Variants in UBE2Q2 observed in about 807,000 individuals in gnomAD.
The protein encoded by UBE2Q2 is ubiquitin conjugating enzyme E2 Q2, also known as ubiquitin-conjugating enzyme E2 Q2.
In UBE2Q2, 54 loss-of-function variants were observed where a neutral mutation model predicts 59.9. That is an observed-to-expected ratio of 0.90 (90% confidence interval 0.72 to 1.13). The LOEUF is 1.13. UBE2Q2 is among the 50% of genes most tolerant of loss of function. The pLI, the probability that UBE2Q2 is intolerant of heterozygous loss-of-function variation, is 0.00. For missense variants in UBE2Q2, 433 were observed against 441.9 expected (o/e 0.98, Z 0.18); for synonymous variants, 165 against 155.2 (o/e 1.06, Z -0.47).
At chr15:75,863,429 T>G (rs1305063855) in intron 3 of UBE2Q2, among the ~76,000 whole-genome samples, 1 of 151,910 alleles carries the variant, frequency 6.6e-6, no homozygotes, top group Non-Finnish European at 1.5e-5. Flanking sequence ...CTTTTCCTTC[T>G]GTTTTTTTTG....
chr15:75,873,359 T>A lies in UBE2Q2; in HGVS notation c.448-69T>A, dbSNP rs569020108. 16 of 1,444,866 alleles carry A rather than the reference T, an allele frequency of 1.1e-5. No homozygotes were observed. The African/African-American group carries it at 1.6e-4, about 14-fold the overall frequency. The allele number at this position is 1,444,866 out of a possible 1,614,324, so 89.5% of individuals were successfully genotyped here. The stretch of plus-strand genomic sequence containing the variant: ...CATTTGAGTCAAGAATAATTTAATG[T>A]TATTTTGGCATAAGAAACTGCTGAA... On this transcript the variant is annotated intron_variant, in intron 4 of 12. Transcript: ENST00000267938.
chr15:75,843,795 G>A lies in UBE2Q2; in HGVS notation c.129G>A (p.Gln43=). ...ELHCQFLVPQ[Q]GSPHSLPPPL... ...ACTGCCAGTTCCTGGTGCCGCAGCA[G>A]GGCAGCCCGCACTCGCTGCCGCCGC... The change falls in exon 1 of 13, where the codon CAG becomes CAA. Residue 43 remains glutamine, a synonymous_variant. Transcript: ENST00000267938. 6.2e-7 allele frequency: 1 copy of A among 1,607,186 alleles called. No homozygotes were observed. The highest frequency in any genetic ancestry group is 2.3e-5 in the East Asian group (1 of 44,436).
At chr15:75,897,363 C>T (rs921081666) in intron 12 of UBE2Q2, among the ~76,000 whole-genome samples, 4 of 151,958 alleles carry the variant, frequency 2.6e-5, no homozygotes, top group Admixed American at 6.6e-5. Context: ...CTCAGCCTCC[C>T]GAGTAGCTGG....
chr15:75,880,824 T>C (rs1898368808), intron 8 of UBE2Q2, among the ~76,000 whole-genome samples: 1 of 152,186 alleles, frequency 6.6e-6, no homozygotes, highest in Admixed American at 6.5e-5. Flanking sequence ...TTAAAATCTG[T>C]GGATATATGA....
chr15:75,863,646 C>CTT (rs573351886), intron 3 of UBE2Q2, among the ~76,000 whole-genome samples: 4 of 135,656 alleles, frequency 2.9e-5, no homozygotes, highest in African/African-American at 8.2e-5. Context: ...CCTGGCCAGT[C>CTT]TTTTTTTTTT....
intron 4 of UBE2Q2, among the ~76,000 whole-genome samples, chr15:75,872,527 CTTTTCCTTTTTT>C (rs1230456174): frequency 7.9e-6 from 1 of 127,362 alleles, no homozygotes; most frequent in Non-Finnish European, 1.7e-5. Context: ...TCTTTGTTTT[CTTTTCCTTTTTT>C]TTTTTTTTTT....
intron 5 of UBE2Q2, 31 bp from the exon 6 acceptor site, chr15:75,876,156 A>G: frequency 6.2e-7 from 1 of 1,606,328 alleles, no homozygotes. Flanking sequence ...AGCTCAGCAG[A>G]CCCTGGTAAA....
rs1223789721 is a variant in UBE2Q2, at chr15:75,854,376, T to C, written c.181-10T>C. On this transcript the variant is annotated splice_polypyrimidine_tract_variant and intron_variant, in intron 1 of 12. Coordinates refer to ENST00000267938, the MANE Select transcript of UBE2Q2 (RefSeq NM_173469.4). ...TGTAAATGTTTAACATGTGTCTCTG[T>C]GTTAAACAGGAATCCTATCCATCTT... 2 of 1,605,046 alleles carry C rather than the reference T, an allele frequency of 1.2e-6. No homozygotes were observed. Among genetic ancestry groups the C allele is most frequent in the African/African-American group, 1.3e-5 (1 of 74,596 alleles).
At chr15:75,858,576 G>C (rs1246944399) in intron 2 of UBE2Q2, among the ~76,000 whole-genome samples, 1 of 151,904 alleles carries the variant, frequency 6.6e-6, no homozygotes, top group Admixed American at 6.6e-5. Flanking sequence ...TCCCTCAAAT[G>C]CTTTTTTGGT....
chr15:75,855,598 G>C (rs1052821881), intron 2 of UBE2Q2, among the ~76,000 whole-genome samples: 8 of 151,922 alleles, frequency 5.3e-5, no homozygotes, highest in Admixed American at 5.2e-4. Flanking sequence ...AAAATATTCA[G>C]AGGAACCAAC....
At chr15:75,874,380 T>A (rs191062292) in intron 5 of UBE2Q2, among the ~76,000 whole-genome samples, 1 of 151,386 alleles carries the variant, frequency 6.6e-6, no homozygotes, top group African/African-American at 2.4e-5. Context: ...ACCTCCCAGG[T>A]TCAAGCAGTT....
chr15:75,876,083 A>AT, intron 5 of UBE2Q2, 104 bp from the exon 6 acceptor site: 2 of 1,130,678 alleles, frequency 1.8e-6, no homozygotes, highest in Non-Finnish European at 2.5e-6. Flanking sequence ...AAAAAAAAAA[A>AT]TGTTGAGTGG....
At chr15:75,849,304 A>G (rs572565674) in intron 1 of UBE2Q2, among the ~76,000 whole-genome samples, 49 of 152,218 alleles carry the variant, frequency 3.2e-4, no homozygotes, top group Non-Finnish European at 7.2e-4. Context: ...ACTGGCCTTC[A>G]GAAGAATTAC....
At chr15:75,845,891 G>A (rs1896319354) in intron 1 of UBE2Q2, among the ~76,000 whole-genome samples, 1 of 152,180 alleles carries the variant, frequency 6.6e-6, no homozygotes, top group Non-Finnish European at 1.5e-5. Context: ...AGCAAGAAGT[G>A]AATGAGACAC....
chr15:75,856,267 GTGTA>G (rs1414423709), intron 2 of UBE2Q2, among the ~76,000 whole-genome samples: 129 of 102,418 alleles, frequency 1.3e-3, no homozygotes, highest in Middle Eastern at 4.5e-3. Flanking sequence ...GTGTGTGTGT[GTGTA>G]TATATATATA....
chr15:75,893,598 T>C (rs970216140), intron 11 of UBE2Q2, among the ~76,000 whole-genome samples: 4 of 152,162 alleles, frequency 2.6e-5, no homozygotes, highest in Non-Finnish European at 4.4e-5. Flanking sequence ...TAGACAAATA[T>C]AGACCTCTGT....
At chr15:75,890,513 C>T in intron 10 of UBE2Q2, 30 bp downstream of exon 10, 1 of 1,594,756 alleles carries the variant, frequency 6.3e-7, no homozygotes, top group Non-Finnish European at 8.6e-7. Flanking sequence ...TCCATTTTCA[C>T]CCACAATTTA....
intron 2 of UBE2Q2, among the ~76,000 whole-genome samples, chr15:75,856,269 G>GTGTGTATATA (rs1256142539): frequency 9.0e-4 from 125 of 139,280 alleles, no homozygotes; most frequent in African/African-American, 1.2e-3. Flanking sequence ...GTGTGTGTGT[G>GTGTGTATATA]TATATATATA....
At position 75,900,481 on chromosome 15, in the gene UBE2Q2, T is replaced by A. The variant is rs1899695214; in HGVS notation, c.*1023T>A. 2 of 152,668 alleles carry A rather than the reference T, an allele frequency of 1.3e-5. No homozygotes were observed. The highest frequency in any genetic ancestry group is 1.3e-4 in the Admixed American group (2 of 15,286). 9.5% of individuals were successfully genotyped at this position (152,668 alleles called of 1,614,324 possible). A position where few individuals can be genotyped will look rare whatever the true frequency, so the allele number is the denominator to read the frequency against. On this transcript the variant is annotated 3_prime_UTR_variant, in exon 13 of 13. Coordinates refer to ENST00000267938, the MANE Select transcript of UBE2Q2 (RefSeq NM_173469.4). Reference sequence around the variant, plus strand: ...CAAGGTACTCTCCATTTTATTGCCTTACCTGAATCAGTCCTTTTTGGTTGG... The same window carrying A: ...CAAGGTACTCTCCATTTTATTGCCTAACCTGAATCAGTCCTTTTTGGTTGG...
Sources: gnomAD v4.1 joint callset for allele counts (sites outside exome capture counted in the v4.1 genomes callset) on GRCh38, gnomAD v4.1.1 for gene constraint, MANE v1.5 for transcripts, NCBI Gene and HGNC (gene_info 2026-07-23, HGNC 2026-07-21) for gene names.